Variants in C1QTNF1 observed in about 807,000 individuals in gnomAD.
C1QTNF1 encodes the protein complement C1q tumor necrosis factor-related protein 1.
A neutral mutation model predicts 27.8 loss-of-function variants in C1QTNF1; 22 were observed. The ratio of observed to expected loss-of-function variants is 0.79; its 90% CI spans 0.56 to 1.13. C1QTNF1 has a LOEUF of 1.13. Ranked by LOEUF, C1QTNF1 falls within the 50% of genes most tolerant of loss-of-function variation. The probability of loss-of-function intolerance (pLI) is 0.00; values close to 1 mark genes in which losing one functional copy is unlikely to be tolerated. For missense variants in C1QTNF1, 373 were observed against 380.2 expected (o/e 0.98, Z 0.16); for synonymous variants, 166 against 154.3 (o/e 1.08, Z -0.56).
Position 79,043,940 on chromosome 17 carries a change from TTTCTTTCCC to T in C1QTNF1, c.-14-14_-14-6del, listed in dbSNP as rs1285217256. On this transcript the variant is annotated splice_polypyrimidine_tract_variant and splice_region_variant and intron_variant, in intron 1 of 3. Transcript: ENST00000579760. ...CCTAACTCGGTGCCTTCCCTGTGTG[TTTCTTTCCC>T]ACCAGGGCCCGGCAGGAAGATGGGC... 1 of 1,613,386 alleles carries T rather than the reference TTTCTTTCCC, an allele frequency of 6.2e-7. No individual in the cohort carries two copies. Among genetic ancestry groups the T allele is most frequent in the South Asian group, 1.1e-5 (1 of 91,070 alleles).
chr17:79,048,240 C>G lies in C1QTNF1; in HGVS notation c.*152C>G. 3 of 763,268 alleles carry G rather than the reference C, an allele frequency of 3.9e-6. No homozygotes were observed. Among genetic ancestry groups the G allele is most frequent in the Non-Finnish European group, 6.0e-6 (3 of 497,356 alleles). The allele number at this position is 763,268 out of a possible 1,614,324, so 47.3% of individuals were successfully genotyped here. A position where few individuals can be genotyped will look rare whatever the true frequency, so the allele number is the denominator to read the frequency against. On this transcript the variant is annotated 3_prime_UTR_variant, in exon 4 of 4. Coordinates refer to ENST00000579760, the MANE Select transcript of C1QTNF1 (RefSeq NM_030968.5). ...CAGAAAGCCAAAGCGATCGGTGCTC[C>G]CAGATCCCGCAGCCTCTGGAGAGAG...
intron 1 of C1QTNF1, among the ~76,000 whole-genome samples, chr17:79,032,068 G>A (rs1435220025): frequency 6.6e-6 from 1 of 152,180 alleles, no homozygotes; most frequent in East Asian, 1.9e-4. Context: ...GTTAGACACC[G>A]GATGCTGGTG....
At position 79,025,493 on chromosome 17, in the gene C1QTNF1, C is replaced by G. The variant is rs76374831; in HGVS notation, c.-15+999C>G. Among the ~76,000 whole-genome samples, 1,160 of 152,234 alleles carry G rather than the reference C, an allele frequency of 7.6e-3. 43 individuals are homozygous for G. In the East Asian group the frequency reaches 0.12, roughly 16 times the overall value. On this transcript the variant is annotated intron_variant, in intron 1 of 3. Transcript: ENST00000579760. Reference sequence around the variant, plus strand: ...GTGCTGGGAGCTTTCTGGTCCTGAGCTTTGAACATGAGAAATGCCGTGAGA... The same window carrying G: ...GTGCTGGGAGCTTTCTGGTCCTGAGGTTTGAACATGAGAAATGCCGTGAGA...
chr17:79,040,391 G>T (rs1015338302), intron 1 of C1QTNF1, among the ~76,000 whole-genome samples: 2 of 152,198 alleles, frequency 1.3e-5, no homozygotes, highest in Non-Finnish European at 2.9e-5. Context: ...CCTGAGCCGG[G>T]AGGGTTGAGG....
chr17:79,043,399 ATGTGAG>A (rs953008931), intron 1 of C1QTNF1: 5 of 450,770 alleles, frequency 1.1e-5, no homozygotes, highest in East Asian at 7.1e-5. Context: ...ATGTATGTGC[ATGTGAG>A]TGTGAGTGTA....
At position 79,047,641 on chromosome 17, in the gene C1QTNF1, C is replaced by T; in HGVS notation, c.399C>T (p.Ser133=). 6.2e-7 allele frequency: 1 copy of T among 1,606,710 alleles called. No homozygotes were observed. Residue 133 remains serine (S), a synonymous_variant, in exon 4 of 4, where the codon TCC becomes TCT. Transcript: ENST00000579760. ...CTGGACCCAAAGGGCAGAAGGGCTCCATGGGGGCCCCTGGGGAGCGGTGCA... is the reference window on the plus strand; with the variant it reads ...CTGGACCCAAAGGGCAGAAGGGCTCTATGGGGGCCCCTGGGGAGCGGTGCA... ...GHTGPKGQKG[S]MGAPGERCKS...
chr17:79,046,213 G>A lies in C1QTNF1; in HGVS notation c.156-342G>A, dbSNP rs1027573724. Among the ~76,000 whole-genome samples, 7 of 152,002 alleles carry A rather than the reference G, an allele frequency of 4.6e-5. No homozygotes were observed. The highest frequency in any genetic ancestry group is 1.5e-4 in the African/African-American group (6 of 41,288). On this transcript the variant is annotated intron_variant, in intron 2 of 3. Transcript: ENST00000579760. This position sits in a 1 kb window ranked among gnomAD's most constrained non-coding sequence, Gnocchi z 4.8. ...TTCATATGTTATTTTCTAGCATCAC[G>A]GATATACGATAGGGAGTCCCGGCAT... is the stretch of plus-strand genomic sequence containing the variant.
chr17:79,048,290 G>A lies in C1QTNF1; in HGVS notation c.*202G>A. On this transcript the variant is annotated 3_prime_UTR_variant, in exon 4 of 4. Coordinates refer to ENST00000579760, the MANE Select transcript of C1QTNF1 (RefSeq NM_030968.5). Reference sequence around the variant, plus strand: ...GCTGACGGCAGATGAAATCACCAGGGCGGGGCACCCGCGAGAACCCTCTGG... The same window carrying A: ...GCTGACGGCAGATGAAATCACCAGGACGGGGCACCCGCGAGAACCCTCTGG... 1.7e-6 allele frequency: 1 copy of A among 603,558 alleles called. No homozygotes were observed. Among genetic ancestry groups the A allele is most frequent in the Non-Finnish European group, 2.8e-6 (1 of 362,824 alleles). The allele number at this position is 603,558 out of a possible 1,614,324, so 37.4% of individuals were successfully genotyped here.
intron 1 of C1QTNF1, among the ~76,000 whole-genome samples, chr17:79,026,582 G>A (rs146867111): frequency 1.3e-5 from 2 of 152,330 alleles, no homozygotes; most frequent in South Asian, 2.1e-4. Context: ...AAGGACACAG[G>A]TCCGCTACCC....
In C1QTNF1 at chr17:79,048,765, C is replaced by T. The variant is rs540597818; in HGVS notation, c.*677C>T. ...GGGGGCTGGGGCCCCAGGCGTCAGC[C>T]TCCCAGAGGGACAGCTGAGCCCCCT... On this transcript the variant is annotated 3_prime_UTR_variant, in exon 4 of 4. Transcript: ENST00000579760. The T allele has an allele frequency of 6.6e-6, 1 of 152,374 alleles. No homozygotes were observed. The highest frequency in any genetic ancestry group is 2.4e-5 in the African/African-American group (1 of 41,576). The allele number at this position is 152,374 out of a possible 1,614,324, so 9.4% of individuals were successfully genotyped here. A position where few individuals can be genotyped will look rare whatever the true frequency, so the allele number is the denominator to read the frequency against.
chr17:79,035,700 G>C (rs909080093), intron 1 of C1QTNF1, among the ~76,000 whole-genome samples: 8 of 152,284 alleles, frequency 5.3e-5, no homozygotes, highest in African/African-American at 1.7e-4. Flanking sequence ...CAAAGTGCTG[G>C]GATTATAGGC....
chr17:79,034,919 T>A (rs1182932325), intron 1 of C1QTNF1, among the ~76,000 whole-genome samples: 2 of 152,062 alleles, frequency 1.3e-5, no homozygotes, highest in African/African-American at 4.8e-5. Context: ...GGGACCCCCA[T>A]CCACCACGAG....
intron 1 of C1QTNF1, among the ~76,000 whole-genome samples, chr17:79,032,260 C>T (rs911423150): frequency 3.9e-5 from 6 of 152,012 alleles, no homozygotes; most frequent in South Asian, 2.1e-4. Flanking sequence ...GGAGAATACA[C>T]GGATGGAGAA....
Position 79,047,636 on chromosome 17 carries a change from G to A in C1QTNF1, c.394G>A (p.Gly132Ser). 1.2e-6 allele frequency: 2 copies of A among 1,603,730 alleles called. No individual in the cohort carries two copies. The highest frequency in any genetic ancestry group is 1.7e-6 in the Non-Finnish European group (2 of 1,173,288). Residue 132 changes from glycine (G) to serine (S), a missense_variant, in exon 4 of 4, where the codon GGC becomes AGC. Transcript: ENST00000579760. ...RGHTGPKGQK[G>S]SMGAPGERCK... Reference sequence around the variant, plus strand: ...CCACACTGGACCCAAAGGGCAGAAGGGCTCCATGGGGGCCCCTGGGGAGCG... The same window carrying A: ...CCACACTGGACCCAAAGGGCAGAAGAGCTCCATGGGGGCCCCTGGGGAGCG...
chr17:79,036,165 T>C (rs1005856239), intron 1 of C1QTNF1, among the ~76,000 whole-genome samples: 2 of 151,966 alleles, frequency 1.3e-5, no homozygotes, highest in Non-Finnish European at 2.9e-5. Flanking sequence ...AACCACTAGC[T>C]ACATGTGGCT....
At chr17:79,023,720 A>ACACACACG (rs2071836212), upstream of C1QTNF1, among the ~76,000 whole-genome samples, 1 of 152,062 alleles carries the variant, frequency 6.6e-6, no homozygotes, top group Non-Finnish European at 1.5e-5. Flanking sequence ...ACACACACAC[A>ACACACACG]CACACACACA....
intron 1 of C1QTNF1, among the ~76,000 whole-genome samples, chr17:79,039,868 T>G (rs1031696107): frequency 1.3e-5 from 2 of 151,810 alleles, no homozygotes; most frequent in African/African-American, 4.8e-5. Flanking sequence ...TATATAAAAT[T>G]TGGGATTCAG....
At chr17:79,045,974 C>T (rs989826080) in intron 2 of C1QTNF1, among the ~76,000 whole-genome samples, 2 of 152,092 alleles carry the variant, frequency 1.3e-5, no homozygotes, top group Non-Finnish European at 2.9e-5. Context: ...CGTGGGTCTG[C>T]GCAGCTCTAC....
chr17:79,047,377 G>A (rs1212398792), intron 3 of C1QTNF1, among the ~76,000 whole-genome samples, 161 bp from the exon 4 acceptor site: 1 of 152,036 alleles, frequency 6.6e-6, no homozygotes, highest in Non-Finnish European at 1.5e-5. Context: ...AGGCTGGGAC[G>A]CCGCCCGTGG....
Sources: gnomAD v4.1 joint callset for allele counts (sites outside exome capture counted in the v4.1 genomes callset) on GRCh38, gnomAD v4.1.1 for gene constraint, Gnocchi (gnomAD v3.1) non-coding constraint, MANE v1.5 for transcripts, NCBI Gene and HGNC (gene_info 2026-07-23, HGNC 2026-07-21) for gene names.